Variants in CYP4X1 observed in about 807,000 individuals in gnomAD.
The protein encoded by CYP4X1 is cytochrome P450 family 4 subfamily X member 1.
A neutral mutation model predicts 57.9 loss-of-function variants in CYP4X1; 44 were observed. The observed-to-expected ratio is 0.76, with a 90% CI of 0.60 to 0.98. The LOEUF (loss-of-function observed/expected upper bound fraction) is 0.98. CYP4X1 is among the 50% of genes least tolerant of loss of function. CYP4X1 has a pLI of 0.00. For synonymous variants in CYP4X1, 227 were observed against 228.6 expected, an observed-to-expected ratio of 0.99 and a Z score of 0.06; for missense variants, 532 against 623.9, an observed-to-expected ratio of 0.85 and a Z score of 1.57.
the CYP4X1 span, among the ~76,000 whole-genome samples, chr1:47,010,055 A>G: frequency 6.6e-6 from 1 of 152,236 alleles, no homozygotes; most frequent in Non-Finnish European, 1.5e-5. Flanking sequence ...TCCCTAACTC[A>G]TTTTATGAGG....
Position 47,038,708 on chromosome 1 carries a change from A to G in CYP4X1, c.824A>G (p.Gln275Arg). ...RKKSLQAGVKQDNTPKRKYQD... is the reference protein window; with the variant it reads ...RKKSLQAGVKRDNTPKRKYQD... ...AAATCCCTCCAGGCTGGGGTAAAGC[A>G]GGATAACACTCCGAAGAGGAAGTAC... The change falls in exon 7 of 12, where the codon CAG (glutamine) becomes CGG (arginine). Residue 275 changes from glutamine to arginine, a missense_variant. By Grantham distance (43) the Gln-to-Arg change is conservative (BLOSUM62 1). Coordinates refer to ENST00000371901, the MANE Select transcript of CYP4X1 (RefSeq NM_178033.2). 6.2e-7 allele frequency: 1 copy of G among 1,611,522 alleles called. No homozygotes were observed. The highest frequency in any genetic ancestry group is 8.5e-7 in the Non-Finnish European group (1 of 1,178,854).
the CYP4X1 span, among the ~76,000 whole-genome samples, chr1:46,974,882 T>C: frequency 3.3e-5 from 5 of 151,760 alleles, no homozygotes; most frequent in South Asian, 2.1e-4. Context: ...GCTTTTTAAA[T>C]TTTTTTAAAT....
the CYP4X1 span, among the ~76,000 whole-genome samples, chr1:47,004,437 T>C: frequency 6.6e-6 from 1 of 151,912 alleles, no homozygotes; most frequent in Admixed American, 6.6e-5. Context: ...AATCTCTCCC[T>C]CTCTCTCTCT....
the CYP4X1 span, among the ~76,000 whole-genome samples, chr1:47,016,801 A>T: frequency 6.6e-6 from 1 of 152,196 alleles, no homozygotes; most frequent in African/African-American, 2.4e-5. Flanking sequence ...ATTGACTACA[A>T]TCACCCTGTT....
chr1:47,047,495 C>A (rs1240778561), intron 9 of CYP4X1, among the ~76,000 whole-genome samples: 1 of 152,146 alleles, frequency 6.6e-6, no homozygotes, highest in Admixed American at 6.5e-5. Context: ...TGTTTCTCCC[C>A]AAACCACATG....
the CYP4X1 span, among the ~76,000 whole-genome samples, chr1:46,978,597 CT>C: frequency 8.0e-3 from 1,217 of 152,148 alleles, 22 homozygotes; most frequent in African/African-American, 0.028. Flanking sequence ...ATATCCAGGA[CT>C]TAAACTCAGC....
chr1:47,027,393 A>G (rs1463691988), intron 1 of CYP4X1, among the ~76,000 whole-genome samples: 2 of 152,214 alleles, frequency 1.3e-5, no homozygotes, highest in Non-Finnish European at 2.9e-5. Flanking sequence ...CTACATATTT[A>G]TGGAGTACCT....
the CYP4X1 span, among the ~76,000 whole-genome samples, chr1:46,965,662 TCTCA>T: frequency 1.3e-5 from 2 of 152,254 alleles, no homozygotes; most frequent in African/African-American, 2.4e-5. Flanking sequence ...TGTTGGGAGG[TCTCA>T]CTCAGTCAGA....
chr1:47,048,752 A>G (rs1048871349), intron 10 of CYP4X1, 123 bp downstream of exon 10: 13 of 944,394 alleles, frequency 1.4e-5, no homozygotes, highest in Non-Finnish European at 1.9e-5. Context: ...ACAAAAATAA[A>G]CATAAAAGCC....
chr1:46,978,582 C>G, the CYP4X1 span, among the ~76,000 whole-genome samples: 11 of 151,990 alleles, frequency 7.2e-5, no homozygotes, highest in African/African-American at 2.7e-4. Context: ...AGAAGGTTAA[C>G]AAGGATATCC....
chr1:47,017,427 AT>A, the CYP4X1 span, among the ~76,000 whole-genome samples: 1 of 141,828 alleles, frequency 7.1e-6, no homozygotes, highest in African/African-American at 2.6e-5. Context: ...TGAGAAACAA[AT>A]TTTTTTTGAG....
At chr1:46,971,556 C>A in the CYP4X1 span, among the ~76,000 whole-genome samples, 1 of 152,132 alleles carries the variant, frequency 6.6e-6, no homozygotes, top group African/African-American at 2.4e-5. Context: ...ATAAGCATTG[C>A]CTTTTCTCTG....
the CYP4X1 span, among the ~76,000 whole-genome samples, chr1:46,962,249 T>G: frequency 6.6e-6 from 1 of 152,136 alleles, no homozygotes; most frequent in East Asian, 1.9e-4. Flanking sequence ...CCCAAGTAGC[T>G]GGGATTACAG....
chr1:47,019,218 A>G (rs1643971959), upstream of CYP4X1, among the ~76,000 whole-genome samples: 1 of 152,166 alleles, frequency 6.6e-6, no homozygotes, highest in Non-Finnish European at 1.5e-5. Flanking sequence ...CAGTAAATTT[A>G]CTTAATCTAA....
the CYP4X1 span, among the ~76,000 whole-genome samples, chr1:47,004,914 G>A: frequency 6.6e-6 from 1 of 152,130 alleles, no homozygotes; most frequent in South Asian, 2.1e-4. Context: ...AACCCACCCA[G>A]CCTCCAGTTC....
chr1:46,986,032 A>C, the CYP4X1 span, among the ~76,000 whole-genome samples: 1 of 152,228 alleles, frequency 6.6e-6, no homozygotes, highest in South Asian at 2.1e-4. Flanking sequence ...TGATGAATTG[A>C]GAGAAGCAGG....
the CYP4X1 span, among the ~76,000 whole-genome samples, chr1:46,966,410 G>A: frequency 6.6e-6 from 1 of 152,108 alleles, no homozygotes; most frequent in Non-Finnish European, 1.5e-5. Context: ...TAGTGGCTTG[G>A]GCTCACTAGA....
chr1:47,001,359 A>G, the CYP4X1 span, among the ~76,000 whole-genome samples: 1 of 152,244 alleles, frequency 6.6e-6, no homozygotes, highest in Non-Finnish European at 1.5e-5. Flanking sequence ...AGAGTTAATC[A>G]ATGGTTTGTT....
the CYP4X1 span, among the ~76,000 whole-genome samples, chr1:46,979,561 G>C: frequency 3.9e-5 from 6 of 152,244 alleles, no homozygotes; most frequent in African/African-American, 1.4e-4. Flanking sequence ...AGAGGAGCTG[G>C]TACTGTTCCT....
Sources: gnomAD v4.1 joint callset for allele counts (sites outside exome capture counted in the v4.1 genomes callset) on GRCh38, gnomAD v4.1.1 for gene constraint, MANE v1.5 for transcripts, NCBI Gene and HGNC (gene_info 2026-07-23, HGNC 2026-07-21) for gene names.